CA8: variants seen among roughly 807,000 people sequenced by gnomAD.
CA8 encodes carbonic anhydrase 8 (inactive).
CA8 carries 22 observed loss-of-function variants against 41.4 expected under a neutral mutation model. That is an observed-to-expected ratio of 0.53 (90% CI 0.38 to 0.76). CA8 has a LOEUF of 0.76. Ranked by LOEUF, CA8 falls within the 30% of genes least tolerant of loss-of-function variation. The probability of loss-of-function intolerance (pLI) is 0.00; values close to 1 mark genes in which losing one functional copy is unlikely to be tolerated. For synonymous variants in CA8, 121 were observed against 130.6 expected, an observed-to-expected ratio of 0.93 and a Z score of 0.50; for missense variants, 270 against 352.8, an observed-to-expected ratio of 0.77 and a Z score of 1.88.
chr8:60,237,695 G>C (rs1197013134), intron 3 of CA8, among the ~76,000 whole-genome samples: 1 of 152,226 alleles, frequency 6.6e-6, no homozygotes, highest in African/African-American at 2.4e-5. Flanking sequence ...AACAACAGCA[G>C]AATCCCTCCT....
intron 8 of CA8, among the ~76,000 whole-genome samples, chr8:60,202,438 C>A (rs934858746): frequency 6.6e-6 from 1 of 152,114 alleles, no homozygotes; most frequent in African/African-American, 2.4e-5. Context: ...CATATATGAA[C>A]CGCACCTCAT....
intron 8 of CA8, chr8:60,208,148 T>C (rs1366532831): frequency 2.0e-5 from 3 of 153,036 alleles, no homozygotes; most frequent in African/African-American, 4.8e-5. Context: ...AAGGAATACA[T>C]ACATTGAATT....
intron 8 of CA8, among the ~76,000 whole-genome samples, chr8:60,203,691 A>AAT (rs2130405017): frequency 6.6e-6 from 1 of 151,930 alleles, no homozygotes. Flanking sequence ...ATCTCCTTAT[A>AAT]CTCCTGATTA....
chr8:60,215,773 T>C (rs1245448488), intron 7 of CA8, among the ~76,000 whole-genome samples: 1 of 152,156 alleles, frequency 6.6e-6, no homozygotes, highest in Non-Finnish European at 1.5e-5. Context: ...CAATGTATGA[T>C]GGGCTTAACA....
Position 60,208,773 on chromosome 8 carries a change from T to G in CA8, c.*12A>C, listed in dbSNP as rs768791999. 3 of 1,614,176 alleles carry G rather than the reference T, an allele frequency of 1.9e-6. No homozygotes were observed. Among genetic ancestry groups the G allele is most frequent in the Non-Finnish European group, 2.5e-6 (3 of 1,180,008 alleles). ...ACCCTCATGAAGACAGACTTGTTCC[T>G]GTCCTCTTTGGCTACTGAAATGCAG... On this transcript the variant is annotated 3_prime_UTR_variant, in exon 8 of 9. Transcript: ENST00000317995.
intron 3 of CA8, among the ~76,000 whole-genome samples, chr8:60,264,107 C>T (rs1262706106): frequency 6.6e-6 from 1 of 152,168 alleles, no homozygotes; most frequent in African/African-American, 2.4e-5. Context: ...CTTAATGGAC[C>T]GGAGCTGCTG....
intron 8 of CA8, among the ~76,000 whole-genome samples, chr8:60,196,214 A>G (rs11778794): frequency 5.9e-5 from 9 of 152,026 alleles, no homozygotes; most frequent in African/African-American, 2.2e-4. Context: ...AAAAAATTAA[A>G]CAATGGAAAA....
chr8:60,263,170 A>T (rs1198007443), intron 3 of CA8, among the ~76,000 whole-genome samples: 2 of 149,814 alleles, frequency 1.3e-5, no homozygotes, highest in Non-Finnish European at 2.9e-5. Flanking sequence ...GTGAACTACA[A>T]AATTTAGCCT....
intron 3 of CA8, among the ~76,000 whole-genome samples, chr8:60,252,392 G>A (rs1046083288): frequency 2.0e-5 from 3 of 152,172 alleles, no homozygotes; most frequent in East Asian, 1.9e-4. Context: ...TAAGACCATC[G>A]GACTTTAAAT....
chr8:60,277,299 G>A (rs1166936157), intron 2 of CA8, among the ~76,000 whole-genome samples: 1 of 151,908 alleles, frequency 6.6e-6, no homozygotes, highest in East Asian at 1.9e-4. Flanking sequence ...GCCGTAGGTG[G>A]GGAAGAGCAG....
rs1470115899 is a variant in CA8, at chr8:60,279,884, A to G, written c.101-4T>C. ...AACACCAGACCCCACTCAACACCTAAGAACAAAATGAAATAAATTAAAAAC... is the reference window on the plus strand; with the variant it reads ...AACACCAGACCCCACTCAACACCTAGGAACAAAATGAAATAAATTAAAAAC... On this transcript the variant is annotated splice_region_variant and splice_polypyrimidine_tract_variant and intron_variant, in intron 1 of 8. Transcript: ENST00000317995. 1.9e-6 allele frequency: 3 copies of G among 1,605,054 alleles called. No individual in the cohort carries two copies. In the South Asian group the frequency reaches 3.4e-5, roughly 18 times the overall value.
chr8:60,219,051 A>G (rs1807134770), intron 7 of CA8, among the ~76,000 whole-genome samples: 1 of 152,066 alleles, frequency 6.6e-6, no homozygotes, highest in African/African-American at 2.4e-5. Context: ...TACCTCAGGA[A>G]GTTATCAGCC....
At chr8:60,274,507 C>T (rs1010779500) in intron 2 of CA8, among the ~76,000 whole-genome samples, 6 of 152,136 alleles carry the variant, frequency 3.9e-5, no homozygotes, top group African/African-American at 1.4e-4. Flanking sequence ...GCCTGCATCC[C>T]CCTCCAAAAT....
At chr8:60,253,179 G>A (rs1808509891) in intron 3 of CA8, among the ~76,000 whole-genome samples, 2 of 152,136 alleles carry the variant, frequency 1.3e-5, no homozygotes, top group African/African-American at 4.8e-5. Context: ...AGGCTGCAGT[G>A]AGCCAAGATC....
intron 3 of CA8, among the ~76,000 whole-genome samples, chr8:60,258,163 T>TC (rs1803611915): frequency 6.6e-6 from 1 of 152,188 alleles, no homozygotes; most frequent in Non-Finnish European, 1.5e-5. Context: ...GAGATCAGAT[T>TC]CACTGTCATG....
rs559592347 is a variant in CA8, at chr8:60,254,715, T to C, written c.417+11210A>G. 1.2e-4 allele frequency among the ~76,000 whole-genome samples: 18 copies of C among 152,308 alleles called. 1 individual carries two copies. Among genetic ancestry groups the C allele is most frequent in the African/African-American group, 4.1e-4 (17 of 41,568 alleles). On this transcript the variant is annotated intron_variant, in intron 3 of 8. Transcript: ENST00000317995. ...CATAAACCACCCTTAGTTATATCCA[T>C]GGTTCAAATGGTGATCAGCTCAGGC...
At chr8:60,209,708 G>A (rs575360828) in intron 7 of CA8, among the ~76,000 whole-genome samples, 4 of 144,646 alleles carry the variant, frequency 2.8e-5, no homozygotes, top group South Asian at 4.2e-4. Flanking sequence ...TAGCCCTCTG[G>A]AGAGCACAGG....
At position 60,281,279 on chromosome 8, in the gene CA8, C is replaced by G. The variant is rs1365907646; in HGVS notation, c.-132G>C. On this transcript the variant is annotated 5_prime_UTR_variant, in exon 1 of 9. Coordinates refer to ENST00000317995, the MANE Select transcript of CA8 (RefSeq NM_004056.6). ...GTGAGCGGCAGTGTGAGTGCGAGAG[C>G]GCCTCCGGGTGTGAACCGCAGTGTG... The G allele has an allele frequency of 1.5e-6, 1 of 677,148 alleles. No individual in the cohort carries two copies. Among genetic ancestry groups the G allele is most frequent in the Non-Finnish European group, 2.6e-6 (1 of 383,656 alleles). 41.9% of individuals were successfully genotyped at this position (677,148 alleles called of 1,614,324 possible).
At chr8:60,257,012 G>A (rs1259278063) in intron 3 of CA8, among the ~76,000 whole-genome samples, 2 of 151,214 alleles carry the variant, frequency 1.3e-5, no homozygotes, top group Non-Finnish European at 2.9e-5. Flanking sequence ...ACAGAGTCTT[G>A]CTCTGTCACC....
Sources: allele counts gnomAD v4.1 joint callset (sites outside exome capture counted in the v4.1 genomes callset), GRCh38; gene constraint gnomAD v4.1.1; transcripts MANE v1.5; gene names NCBI Gene and HGNC (gene_info 2026-07-23, HGNC 2026-07-21).